The following UNC80 variants were observed in gnomAD, a reference collection of about 807,000 sequenced individuals.
UNC80 encodes protein unc-80 homolog.
In UNC80, 164 loss-of-function variants were observed where a neutral mutation model predicts 384.6. The observed-to-expected ratio is 0.43, with a 90% CI of 0.38 to 0.49. The LOEUF is 0.49. UNC80 is among the 20% of genes least tolerant of loss of function. UNC80 has a pLI of 0.00. For synonymous variants in UNC80, 1,486 were observed against 1,527.8 expected (o/e 0.97, Z 0.64); for missense variants, 3,330 against 4,143.0 (o/e 0.80, Z 5.39).
At chr2:209,994,043 A>G (rs1421360572) in intron 63 of UNC80, 22 bp from the exon 64 acceptor site, 2 of 1,532,066 alleles carry the variant, frequency 1.3e-6, no homozygotes, top group Admixed American at 4.1e-5. Flanking sequence ...TCCCCAATTT[A>G]CTGTTTCACC....
chr2:209,984,214 A>G (rs539775818), intron 60 of UNC80, among the ~76,000 whole-genome samples: 1 of 152,236 alleles, frequency 6.6e-6, no homozygotes, highest in Non-Finnish European at 1.5e-5. Flanking sequence ...TTTGGCATTT[A>G]CAATTCAGTC....
intron 56 of UNC80, among the ~76,000 whole-genome samples, chr2:209,975,194 A>G (rs116543912): frequency 1.3e-5 from 2 of 152,324 alleles, no homozygotes; most frequent in Non-Finnish European, 2.9e-5. Context: ...CAGAATCAAA[A>G]TGTGTTTAGT....
chr2:209,877,947 AT>A lies in UNC80; in HGVS notation c.3841-3del. 1 of 1,523,722 alleles carries A rather than the reference AT, an allele frequency of 6.6e-7. No homozygotes were observed. The allele number at this position is 1,523,722 out of a possible 1,614,324, so 94.4% of individuals were successfully genotyped here. A position where few individuals can be genotyped will look rare whatever the true frequency, so the allele number is the denominator to read the frequency against. ...GTGCTGTTTCATTGTTTTCCTTCCC[AT>A]TTTAGGCAATTGGCGTCCGATTGAA... On this transcript the variant is annotated splice_polypyrimidine_tract_variant and splice_region_variant and intron_variant, in intron 23 of 64. Transcript: ENST00000673920.
At chr2:209,797,588 G>T (rs1574484062) in intron 7 of UNC80, among the ~76,000 whole-genome samples, 1 of 152,140 alleles carries the variant, frequency 6.6e-6, no homozygotes, top group African/African-American at 2.4e-5. Context: ...GGGTGTTTGG[G>T]TTGGTTCCGT....
At chr2:209,950,522 T>G (rs1372938437) in intron 47 of UNC80, among the ~76,000 whole-genome samples, 1 of 151,878 alleles carries the variant, frequency 6.6e-6, no homozygotes, top group Non-Finnish European at 1.5e-5. Context: ...TTGTCTGCCT[T>G]TTCTTTCCTT....
At chr2:209,803,396 T>A (rs2078682693) in intron 7 of UNC80, among the ~76,000 whole-genome samples, 1 of 152,226 alleles carries the variant, frequency 6.6e-6, no homozygotes, top group African/African-American at 2.4e-5. Flanking sequence ...AACAAAGTTA[T>A]CAATGACATA....
chr2:209,872,654 G>A lies in UNC80; in HGVS notation c.3628-104G>A. ...ATATGGCCAATATAAATCAAAACATGAAGAGGAAAATAAACTAAAAATACA... is the reference window on the plus strand; with the variant it reads ...ATATGGCCAATATAAATCAAAACATAAAGAGGAAAATAAACTAAAAATACA... On this transcript the variant is annotated intron_variant, in intron 22 of 64. Transcript: ENST00000673920. The surrounding 1 kb of genome is among the most constrained non-coding windows in gnomAD (Gnocchi z 4.1). 1 of 1,087,792 alleles carries A rather than the reference G, an allele frequency of 9.2e-7. No homozygotes were observed. The highest frequency in any genetic ancestry group is 1.4e-5 in the South Asian group (1 of 69,454). 67.4% of individuals were successfully genotyped at this position (1,087,792 alleles called of 1,614,324 possible).
At chr2:209,836,088 C>CATGA (rs57160356) in intron 18 of UNC80, among the ~76,000 whole-genome samples, 6 of 151,340 alleles carry the variant, frequency 4.0e-5, no homozygotes, top group Non-Finnish European at 8.9e-5. Flanking sequence ...ATCTATATTT[C>CATGA]ATGAATGAAT....
chr2:209,926,803 G>A (rs530040590), intron 35 of UNC80, 40 bp from the exon 36 acceptor site: 24 of 1,549,722 alleles, frequency 1.5e-5, no homozygotes, highest in African/African-American at 9.6e-5. Flanking sequence ...AAAGAATTAC[G>A]TTACTGAGAA....
intron 3 of UNC80, 104 bp downstream of exon 3, chr2:209,776,149 G>A (rs1341355443): frequency 2.9e-6 from 4 of 1,383,162 alleles, no homozygotes; most frequent in Non-Finnish European, 2.9e-6. Context: ...CAAGCACTGT[G>A]CATATATTAT....
chr2:209,834,157 A>T lies in UNC80; in HGVS notation c.2931A>T (p.Ala977=). 6.4e-7 allele frequency: 1 copy of T among 1,551,524 alleles called. No homozygotes were observed. The highest frequency in any genetic ancestry group is 2.4e-5 in the East Asian group (1 of 40,910). Residue 977 remains alanine (A), a synonymous_variant, in exon 17 of 65, where the codon GCA becomes GCT. Coordinates refer to ENST00000673920, the MANE Select transcript of UNC80 (RefSeq NM_001371986.1). ...AGAATGAACAGGAATCTAAGCCTGC[A>T]GGCAGTAAAAGGTTGGAAGCTTGAA... ...VEENEQESKP[A]GSKRSEAGSI... is the part of the protein sequence containing the mutation.
chr2:209,808,728 C>T (rs1233974420), intron 7 of UNC80: 3 of 220,454 alleles, frequency 1.4e-5, no homozygotes, highest in Admixed American at 5.4e-5. Context: ...GCACTCATTG[C>T]TCCAAGGCTC....
Position 209,976,844 on chromosome 2 carries a change from A to AG in UNC80, c.8773-67dup. 1 of 1,423,966 alleles carries AG rather than the reference A, an allele frequency of 7.0e-7. No individual in the cohort carries two copies. The highest frequency in any genetic ancestry group is 1.5e-5 in the South Asian group (1 of 68,578). The allele number at this position is 1,423,966 out of a possible 1,614,324, so 88.2% of individuals were successfully genotyped here. On this transcript the variant is annotated intron_variant, in intron 57 of 64. Transcript: ENST00000673920. This position sits in a 1 kb window ranked among gnomAD's most constrained non-coding sequence, Gnocchi z 4.3. ...TATTTATTCCTCACAACAATGAAAT[A>AG]GGTACAGCAATTAGCCCATTTTATG...
intron 3 of UNC80, among the ~76,000 whole-genome samples, chr2:209,776,918 T>C (rs2076897417): frequency 6.6e-6 from 1 of 152,230 alleles, no homozygotes; most frequent in African/African-American, 2.4e-5. Flanking sequence ...TCTGCTCAAA[T>C]ATCACTCCTA....
chr2:209,990,907 G>A (rs764222820), intron 61 of UNC80, among the ~76,000 whole-genome samples: 1 of 152,194 alleles, frequency 6.6e-6, no homozygotes, highest in Non-Finnish European at 1.5e-5. Context: ...CATAAAAACC[G>A]TGATAAACCC....
At chr2:209,887,315 A>G (rs553971074) in intron 25 of UNC80, among the ~76,000 whole-genome samples, 9 of 152,284 alleles carry the variant, frequency 5.9e-5, no homozygotes, top group Non-Finnish European at 1.0e-4. Flanking sequence ...CTGGGATTAC[A>G]GGTGTGAGCC....
rs1374556378 is a variant in UNC80 at position 209,969,781 on chromosome 2, T to C, written c.8020T>C (p.Trp2674Arg). ...KMPTLRRQVE[W>R]EPASNLIEGV... Reference sequence around the variant, plus strand: ...ATTGTATTCCAGGCGACAGGTTGAGTGGGAGCCTGCCAGCAATTTGATTGA... The same window carrying C: ...ATTGTATTCCAGGCGACAGGTTGAGCGGGAGCCTGCCAGCAATTTGATTGA... Residue 2674 changes from tryptophan to arginine, a missense_variant, in exon 53 of 65, where the codon TGG (tryptophan) becomes CGG (arginine). Physicochemically the swap from Trp to Arg is moderately radical, Grantham distance 101 (BLOSUM62 -3). Transcript: ENST00000673920. The C allele has an allele frequency of 6.4e-7, 1 of 1,551,618 alleles. No homozygotes were observed. Among genetic ancestry groups the C allele is most frequent in the Non-Finnish European group, 8.7e-7 (1 of 1,146,970 alleles).
At chr2:209,814,336 C>A (rs1157216496) in intron 8 of UNC80, among the ~76,000 whole-genome samples, 1 of 151,912 alleles carries the variant, frequency 6.6e-6, no homozygotes, top group Admixed American at 6.6e-5. Context: ...ACCGGGTTCA[C>A]GCCATTCTCC....
intron 61 of UNC80, among the ~76,000 whole-genome samples, chr2:209,991,716 G>A (rs2093395432): frequency 6.6e-6 from 1 of 152,138 alleles, no homozygotes. Context: ...TAAATTCTGT[G>A]TCTGATGTGT....
Sources: gnomAD v4.1 joint callset for allele counts (sites outside exome capture counted in the v4.1 genomes callset) on GRCh38, gnomAD v4.1.1 for gene constraint, Gnocchi (gnomAD v3.1) non-coding constraint, MANE v1.5 for transcripts, NCBI Gene and HGNC (gene_info 2026-07-23, HGNC 2026-07-21) for gene names.